Variants in DENND1A observed in about 807,000 individuals in gnomAD.
DENND1A encodes the protein DENN domain-containing protein 1A.
Under a neutral mutation model 113.7 loss-of-function variants are expected in DENND1A, and 51 were observed. The ratio of observed to expected loss-of-function variants is 0.45; its 90% confidence interval spans 0.36 to 0.57. The LOEUF (loss-of-function observed/expected upper bound fraction) is 0.57. Ranked by LOEUF, DENND1A falls within the 20% of genes least tolerant of loss-of-function variation. DENND1A has a pLI of 0.00. For synonymous variants in DENND1A, 565 were observed against 570.8 expected (o/e 0.99, Z 0.14); for missense variants, 1,258 against 1,395.9 (o/e 0.90, Z 1.57).
In DENND1A at chr9:123,667,059, A is replaced by G. The variant is rs1187498807; in HGVS notation, c.474T>C (p.Pro158=). The G allele has an allele frequency of 6.3e-7, 1 of 1,599,934 alleles. No individual in the cohort carries two copies. Among genetic ancestry groups the G allele is most frequent in the African/African-American group, 1.4e-5 (1 of 73,876 alleles). ...GTATGCTGGGAAGTTCTCTGGTATC[A>G]GGCACAGTAAAATAAGAATGCTAGA... ...HLSVHSYFTV[P]DTRELPSIPE... Residue 158 remains proline (P), a synonymous_variant, in exon 8 of 24, where the codon CCT becomes CCC. Coordinates refer to ENST00000394215, the MANE Select transcript of DENND1A (RefSeq NM_001352964.2).
intron 2 of DENND1A, among the ~76,000 whole-genome samples, chr9:123,828,639 C>CAAAA (rs59346883): frequency 1.7e-5 from 2 of 116,014 alleles, no homozygotes; most frequent in African/African-American, 6.0e-5. Context: ...TAAAAGTAGC[C>CAAAA]AAAAAAAAAA....
At chr9:123,812,356 T>C (rs190174352) in intron 2 of DENND1A, among the ~76,000 whole-genome samples, 34 of 152,328 alleles carry the variant, frequency 2.2e-4, no homozygotes, top group African/African-American at 7.9e-4. Flanking sequence ...TAATTCTTTA[T>C]TCTATATTAA....
intron 10 of DENND1A, among the ~76,000 whole-genome samples, chr9:123,625,570 C>T (rs1346231047): frequency 6.6e-6 from 1 of 152,100 alleles, no homozygotes; most frequent in Non-Finnish European, 1.5e-5. Context: ...ATGGCGAAAC[C>T]CTGTCTCTAC....
intron 3 of DENND1A, among the ~76,000 whole-genome samples, chr9:123,775,742 C>G (rs1404319325): frequency 6.6e-6 from 1 of 152,100 alleles, no homozygotes; most frequent in Non-Finnish European, 1.5e-5. Context: ...CACCCCAAGG[C>G]CAAAGCTTTC....
chr9:123,841,302 T>C (rs1841795014), intron 2 of DENND1A, among the ~76,000 whole-genome samples: 1 of 152,174 alleles, frequency 6.6e-6, no homozygotes, highest in Admixed American at 6.5e-5. Flanking sequence ...TTCTCTTCAC[T>C]CAAACAAAAA....
chr9:123,833,306 G>T (rs1840562176), intron 2 of DENND1A, among the ~76,000 whole-genome samples: 1 of 151,930 alleles, frequency 6.6e-6, no homozygotes, highest in Non-Finnish European at 1.5e-5. Flanking sequence ...CTGTTAACTT[G>T]TATTTCTGCA....
intron 1 of DENND1A, among the ~76,000 whole-genome samples, chr9:123,888,797 C>T (rs1849472288): frequency 6.6e-6 from 1 of 152,162 alleles, no homozygotes; most frequent in Admixed American, 6.5e-5. Flanking sequence ...CTAGTGAAAC[C>T]TGAATGCAGT....
intron 13 of DENND1A, among the ~76,000 whole-genome samples, chr9:123,466,236 A>G (rs2048937176): frequency 6.6e-6 from 1 of 151,682 alleles, no homozygotes; most frequent in Admixed American, 6.6e-5. Flanking sequence ...TAACCTCATG[A>G]TCCTCTTGCC....
At chr9:123,408,876 T>C (rs1292169062) in intron 20 of DENND1A, among the ~76,000 whole-genome samples, 3 of 152,238 alleles carry the variant, frequency 2.0e-5, no homozygotes, top group African/African-American at 7.2e-5. Context: ...CCAAGGGGAA[T>C]GATCCTTCCC....
At chr9:123,521,505 G>GT (rs1005156084) in intron 13 of DENND1A, among the ~76,000 whole-genome samples, 13 of 152,178 alleles carry the variant, frequency 8.5e-5, no homozygotes, top group African/African-American at 3.1e-4. Flanking sequence ...TTGGAGCTTG[G>GT]TATAGCATCA....
chr9:123,901,457 T>C (rs939273143), intron 1 of DENND1A, among the ~76,000 whole-genome samples: 6 of 152,188 alleles, frequency 3.9e-5, no homozygotes, highest in Admixed American at 6.5e-5. Flanking sequence ...TCCCAAACTA[T>C]AACTTTAGTT....
intron 2 of DENND1A, among the ~76,000 whole-genome samples, chr9:123,822,748 C>G (rs1048144708): frequency 1.3e-5 from 2 of 152,150 alleles, no homozygotes; most frequent in African/African-American, 4.8e-5. Flanking sequence ...TATACCTGTC[C>G]TTACTATATG....
rs190285109 is a variant in DENND1A at position 123,570,042 on chromosome 9, G to A, written c.868-12347C>T. Among the ~76,000 whole-genome samples the A allele has an allele frequency of 3.9e-4, 60 of 152,158 alleles. 1 individual carries two copies. Among genetic ancestry groups the A allele is most frequent in the Admixed American group, 1.3e-4 (2 of 15,266 alleles). On this transcript the variant is annotated intron_variant, in intron 12 of 23. Coordinates refer to ENST00000394215, the MANE Select transcript of DENND1A (RefSeq NM_001352964.2). ...CAACCACACACCCTATGTTCTAGCCGTAATAAACTGTTAATTCCTGGTTCA... is the reference window on the plus strand; with the variant it reads ...CAACCACACACCCTATGTTCTAGCCATAATAAACTGTTAATTCCTGGTTCA...
intron 18 of DENND1A, among the ~76,000 whole-genome samples, chr9:123,450,088 C>T (rs2047601737): frequency 6.6e-6 from 1 of 151,072 alleles, no homozygotes; most frequent in African/African-American, 2.4e-5. Context: ...GAATCTTAGC[C>T]AGGACATAGC....
At chr9:123,924,750 TACC>T (rs1423296911) in intron 1 of DENND1A, among the ~76,000 whole-genome samples, 1 of 152,188 alleles carries the variant, frequency 6.6e-6, no homozygotes, top group Non-Finnish European at 1.5e-5. Flanking sequence ...GTTTTCAGAT[TACC>T]ACAACCTACA....
chr9:123,403,581 CA>C (rs1349754139), intron 20 of DENND1A, 91 bp from the exon 21 acceptor site: 6 of 1,202,268 alleles, frequency 5.0e-6, no homozygotes, highest in Non-Finnish European at 6.0e-6. Context: ...ACGGCCCCCC[CA>C]AAAAACGTTT....
intron 21 of DENND1A, among the ~76,000 whole-genome samples, chr9:123,392,933 G>A (rs1432835271): frequency 6.6e-6 from 1 of 152,140 alleles, no homozygotes; most frequent in African/African-American, 2.4e-5. Context: ...CCATTCCTGA[G>A]TTACTTCACT....
intron 7 of DENND1A, 49 bp from the exon 8 acceptor site, chr9:123,667,128 A>G: frequency 1.3e-6 from 2 of 1,525,402 alleles, no homozygotes; most frequent in Non-Finnish European, 1.8e-6. Flanking sequence ...ATGTGTAACA[A>G]TTGCATTACT....
intron 2 of DENND1A, among the ~76,000 whole-genome samples, chr9:123,844,934 A>C (rs1239311073): frequency 1.3e-5 from 2 of 152,190 alleles, no homozygotes; most frequent in African/African-American, 4.8e-5. Flanking sequence ...ATTTTCAACA[A>C]GGGGCCAGGC....
Sources: gnomAD v4.1 joint callset for allele counts (sites outside exome capture counted in the v4.1 genomes callset) on GRCh38, gnomAD v4.1.1 for gene constraint, MANE v1.5 for transcripts, NCBI Gene and HGNC (gene_info 2026-07-23, HGNC 2026-07-21) for gene names.